Variants in DPP6 observed in about 807,000 individuals in gnomAD.
DPP6 encodes A-type potassium channel modulatory protein DPP6.
DPP6 carries 69 observed loss-of-function variants against 122.6 expected under a neutral mutation model. The observed-to-expected ratio is 0.56, with a 90% CI of 0.46 to 0.69. The LOEUF is 0.69. Ranked by LOEUF, DPP6 falls within the 30% of genes least tolerant of loss-of-function variation. The pLI is 0.00. For synonymous variants in DPP6, 418 were observed against 433.1 expected, an observed-to-expected ratio of 0.97 and a Z score of 0.43; for missense variants, 928 against 1,116.9, an observed-to-expected ratio of 0.83 and a Z score of 2.41.
At chr7:153,929,769 A>G (rs1801089674) in intron 1 of DPP6, among the ~76,000 whole-genome samples, 1 of 152,172 alleles carries the variant, frequency 6.6e-6, no homozygotes, top group African/African-American at 2.4e-5. Context: ...TTTCTTGCTA[A>G]ATTACTGTTT....
At chr7:153,828,659 G>A in the DPP6 span, among the ~76,000 whole-genome samples, 14 of 152,158 alleles carry the variant, frequency 9.2e-5, no homozygotes, top group Non-Finnish European at 1.6e-4. Flanking sequence ...TTGTATGTGC[G>A]TGGGGAATTT....
At chr7:154,553,742 G>A (rs919103760) in intron 4 of DPP6, among the ~76,000 whole-genome samples, 1 of 152,024 alleles carries the variant, frequency 6.6e-6, no homozygotes, top group Admixed American at 6.6e-5. Flanking sequence ...TAGGGCTGAG[G>A]CCGCCATTCC....
rs1320357552 is a variant in DPP6, at chr7:154,487,085, C to T, written c.457+12048C>T. Among the ~76,000 whole-genome samples the T allele has an allele frequency of 3.3e-5, 5 of 152,206 alleles. No individual in the cohort carries two copies. The East Asian group carries it at 5.8e-4, about 18-fold the overall frequency. On this transcript the variant is annotated intron_variant, in intron 3 of 25. Coordinates refer to ENST00000377770, the MANE Select transcript of DPP6 (RefSeq NM_130797.4). ...TTTAGACCCCGGCCAAGACTGAAAT[C>T]GCGTTTCAACTTTATTTGTTTGCAG...
In DPP6 at chr7:154,486,928, GTC is replaced by G. The variant is rs750426443; in HGVS notation, c.457+11895_457+11896del. Among the ~76,000 whole-genome samples the G allele has an allele frequency of 1.3e-5, 2 of 152,152 alleles. No homozygotes were observed. The highest frequency in any genetic ancestry group is 2.9e-5 in the Non-Finnish European group (2 of 68,034). On this transcript the variant is annotated intron_variant, in intron 3 of 25. Coordinates refer to ENST00000377770, the MANE Select transcript of DPP6 (RefSeq NM_130797.4). This position sits in a 1 kb window ranked among gnomAD's most constrained non-coding sequence, Gnocchi z 4.5. ...CTTAATTCATAATTTGGGGACTCAA[GTC>G]TCTGCAGGCTCCACTGGGCCAACTT...
chr7:154,582,499 G>A (rs759458959), intron 5 of DPP6, among the ~76,000 whole-genome samples: 1 of 152,116 alleles, frequency 6.6e-6, no homozygotes, highest in Non-Finnish European at 1.5e-5. Flanking sequence ...ACAGAGGAGG[G>A]AGGAAGCCCC....
intron 1 of DPP6, among the ~76,000 whole-genome samples, chr7:154,408,766 C>G (rs1563620918): frequency 6.7e-6 from 1 of 148,820 alleles, no homozygotes; most frequent in Admixed American, 6.8e-5. Flanking sequence ...CAGTCTTCCC[C>G]TGTTTTTTTT....
chr7:154,560,240 G>A (rs1830335642), intron 4 of DPP6, among the ~76,000 whole-genome samples: 1 of 151,952 alleles, frequency 6.6e-6, no homozygotes, highest in South Asian at 2.1e-4. Flanking sequence ...TTTCTCAAAG[G>A]GTCCTTTAAA....
intron 1 of DPP6, among the ~76,000 whole-genome samples, chr7:154,235,233 G>A (rs1311592055): frequency 1.3e-5 from 2 of 152,186 alleles, no homozygotes; most frequent in African/African-American, 4.8e-5. Context: ...CTCTGTGGAT[G>A]CACCTGTTCT....
intron 1 of DPP6, among the ~76,000 whole-genome samples, chr7:154,222,094 C>A (rs555371608): frequency 1.3e-5 from 2 of 152,160 alleles, no homozygotes; most frequent in Non-Finnish European, 2.9e-5. Context: ...CCCACTTGCT[C>A]TTCCTGATGA....
At chr7:153,964,946 TTC>T (rs1229436607) in intron 1 of DPP6, among the ~76,000 whole-genome samples, 4 of 133,968 alleles carry the variant, frequency 3.0e-5, no homozygotes, top group African/African-American at 1.5e-4. Context: ...TTCTTTTTCT[TTC>T]TTTCTCTCTT....
At chr7:154,569,288 C>T (rs1389836989) in intron 5 of DPP6, among the ~76,000 whole-genome samples, 2 of 151,934 alleles carry the variant, frequency 1.3e-5, no homozygotes, top group Non-Finnish European at 2.9e-5. Flanking sequence ...TATTTAGTAT[C>T]AGTAATTGTT....
At chr7:153,847,368 C>T in the DPP6 span, among the ~76,000 whole-genome samples, 2 of 152,128 alleles carry the variant, frequency 1.3e-5, no homozygotes, top group African/African-American at 4.8e-5. Flanking sequence ...GATTCTTTGT[C>T]TGCTAATTCC....
chr7:154,423,334 T>G (rs183206733), intron 1 of DPP6, among the ~76,000 whole-genome samples: 32 of 152,268 alleles, frequency 2.1e-4, no homozygotes, highest in African/African-American at 7.0e-4. Flanking sequence ...GTCTGCGAAC[T>G]GGCAATTATG....
At chr7:154,550,748 CTTTTTTTTTT>C in intron 4 of DPP6, among the ~76,000 whole-genome samples, 1 of 126,828 alleles carries the variant, frequency 7.9e-6, no homozygotes, top group Non-Finnish European at 1.7e-5. Flanking sequence ...AATTTTAGTT[CTTTTTTTTTT>C]TTTTTTTTTG....
chr7:153,971,775 C>CTG (rs1287289725), intron 1 of DPP6, among the ~76,000 whole-genome samples: 1 of 143,492 alleles, frequency 7.0e-6, no homozygotes, highest in Non-Finnish European at 1.5e-5. Flanking sequence ...GTCTCTAGAG[C>CTG]TCAGGTCTTC....
intron 1 of DPP6, among the ~76,000 whole-genome samples, chr7:154,318,318 A>G (rs1307677417): frequency 6.6e-6 from 1 of 152,212 alleles, no homozygotes; most frequent in Non-Finnish European, 1.5e-5. Context: ...CACTCTTTGT[A>G]TGCTTAGGAA....
chr7:154,254,512 G>A (rs191009278), intron 1 of DPP6, among the ~76,000 whole-genome samples: 41 of 152,234 alleles, frequency 2.7e-4, no homozygotes, highest in Middle Eastern at 3.4e-3. Flanking sequence ...AAATCCAAGC[G>A]GGTAAGCAGG....
chr7:154,353,476 T>C (rs1811040834), intron 1 of DPP6, among the ~76,000 whole-genome samples: 2 of 152,112 alleles, frequency 1.3e-5, no homozygotes, highest in African/African-American at 4.8e-5. Context: ...CAGCCCGTTA[T>C]TCTAATCTGA....
chr7:154,371,514 T>G (rs1812675593), intron 1 of DPP6, among the ~76,000 whole-genome samples: 1 of 151,354 alleles, frequency 6.6e-6, no homozygotes. Flanking sequence ...CTGAGTAGGC[T>G]CAAGCTTCTG....
Sources: allele counts gnomAD v4.1 joint callset (sites outside exome capture counted in the v4.1 genomes callset), GRCh38; gene constraint gnomAD v4.1.1; non-coding constraint Gnocchi (gnomAD v3.1); transcripts MANE v1.5; gene names NCBI Gene and HGNC (gene_info 2026-07-23, HGNC 2026-07-21).